Variants in ROBO1 observed in about 807,000 individuals in gnomAD.
The protein encoded by ROBO1 is roundabout homolog 1.
A neutral mutation model predicts 195.9 loss-of-function variants in ROBO1; 149 were observed. That is an observed-to-expected ratio of 0.76 (90% CI 0.67 to 0.87). The LOEUF (loss-of-function observed/expected upper bound fraction) is 0.87, where lower values mean the gene tolerates loss of function less well. ROBO1 is among the 40% of genes least tolerant of loss of function. ROBO1 has a pLI of 0.00. For synonymous variants in ROBO1, 816 were observed against 733.2 expected (o/e 1.11, Z -1.82); for missense variants, 1,933 against 2,068.3 (o/e 0.93, Z 1.27).
intron 3 of ROBO1, among the ~76,000 whole-genome samples, chr3:79,033,287 T>C (rs1005609976): frequency 6.6e-6 from 1 of 152,154 alleles, no homozygotes; most frequent in African/African-American, 2.4e-5. Flanking sequence ...ATGTCTCTAG[T>C]GTGTTTATTT....
At chr3:78,910,108 G>C (rs2038158243) in intron 4 of ROBO1, among the ~76,000 whole-genome samples, 1 of 151,694 alleles carries the variant, frequency 6.6e-6, no homozygotes. Flanking sequence ...TAAGGATAAA[G>C]GATTTCTTTA....
intron 2 of ROBO1, among the ~76,000 whole-genome samples, chr3:79,439,287 T>C (rs531063827): frequency 6.6e-6 from 1 of 152,164 alleles, no homozygotes; most frequent in African/African-American, 2.4e-5. Flanking sequence ...CAGAAGCCAA[T>C]GAGGATGTAT....
chr3:78,869,031 G>A (rs1405202555), intron 4 of ROBO1, among the ~76,000 whole-genome samples: 1 of 152,082 alleles, frequency 6.6e-6, no homozygotes, highest in Non-Finnish European at 1.5e-5. Context: ...AGTTACTTCT[G>A]CTTTAGAGTA....
intron 1 of ROBO1, among the ~76,000 whole-genome samples, chr3:79,765,225 A>G (rs1488490407): frequency 1.3e-5 from 2 of 152,202 alleles, no homozygotes; most frequent in African/African-American, 4.8e-5. Flanking sequence ...CGAAAAGGCT[A>G]AAGGAAGTCC....
At chr3:78,802,885 T>C (rs2084412422) in intron 4 of ROBO1, among the ~76,000 whole-genome samples, 1 of 152,078 alleles carries the variant, frequency 6.6e-6, no homozygotes, top group Admixed American at 6.6e-5. Context: ...ATATAAAAAC[T>C]GAACTACAGA....
chr3:79,700,529 G>A (rs114297133), intron 1 of ROBO1, among the ~76,000 whole-genome samples: 4,185 of 151,534 alleles, frequency 0.028, 188 homozygotes, highest in African/African-American at 0.095. Flanking sequence ...CTTCAACCTC[G>A]CCAGCATCTG....
chr3:79,414,021 C>T (rs2037891962), intron 2 of ROBO1, among the ~76,000 whole-genome samples: 1 of 152,116 alleles, frequency 6.6e-6, no homozygotes, highest in African/African-American at 2.4e-5. Flanking sequence ...TATTTACTTT[C>T]TCCTCGAAAT....
chr3:79,026,536 G>A (rs2078206474), intron 3 of ROBO1, among the ~76,000 whole-genome samples: 1 of 151,978 alleles, frequency 6.6e-6, no homozygotes, highest in Non-Finnish European at 1.5e-5. Context: ...TGTCCAAAAT[G>A]TTCAAAGTGG....
At chr3:79,115,708 T>G (rs1225648479) in intron 3 of ROBO1, among the ~76,000 whole-genome samples, 1 of 152,170 alleles carries the variant, frequency 6.6e-6, no homozygotes, top group East Asian at 1.9e-4. Flanking sequence ...AATAATTATA[T>G]TGAACTCCTT....
At chr3:79,494,838 A>G (rs1939645133) in intron 2 of ROBO1, among the ~76,000 whole-genome samples, 1 of 152,234 alleles carries the variant, frequency 6.6e-6, no homozygotes, top group South Asian at 2.1e-4. Context: ...CTGATGCAAA[A>G]TGATCACTGA....
intron 8 of ROBO1, among the ~76,000 whole-genome samples, chr3:78,701,539 C>T (rs2081421596): frequency 6.6e-6 from 1 of 152,016 alleles, no homozygotes; most frequent in Admixed American, 6.6e-5. Context: ...TCTCAAGAAA[C>T]CTAAATCAGG....
At chr3:79,574,400 A>G (rs1247843995) in intron 2 of ROBO1, among the ~76,000 whole-genome samples, 1 of 151,476 alleles carries the variant, frequency 6.6e-6, no homozygotes, top group Non-Finnish European at 1.5e-5. Context: ...TTTTGCTACC[A>G]TAAATTTTGC....
At chr3:79,246,480 T>C (rs769465757) in intron 2 of ROBO1, among the ~76,000 whole-genome samples, 12 of 152,082 alleles carry the variant, frequency 7.9e-5, no homozygotes, top group Non-Finnish European at 1.3e-4. Context: ...CACTCCTGAT[T>C]TATCATCCTG....
chr3:79,443,545 T>A (rs114901592), intron 2 of ROBO1, among the ~76,000 whole-genome samples: 1,627 of 152,256 alleles, frequency 0.011, 29 homozygotes, highest in African/African-American at 0.037. Flanking sequence ...ATATATTAAA[T>A]AATACCTAAA....
intron 3 of ROBO1, among the ~76,000 whole-genome samples, chr3:79,061,616 A>C (rs1227813338): frequency 6.6e-6 from 1 of 152,178 alleles, no homozygotes; most frequent in Non-Finnish European, 1.5e-5. Context: ...GCATGGCTAC[A>C]GTAACCAAAT....
chr3:78,985,161 A>G (rs1437615448), intron 3 of ROBO1, among the ~76,000 whole-genome samples: 1 of 152,064 alleles, frequency 6.6e-6, no homozygotes, highest in African/African-American at 2.4e-5. Context: ...AAAAAATAGC[A>G]TGGTGGTGCA....
chr3:79,604,960 T>C (rs1193524214), intron 1 of ROBO1, among the ~76,000 whole-genome samples: 3 of 152,036 alleles, frequency 2.0e-5, no homozygotes, highest in Non-Finnish European at 4.4e-5. Flanking sequence ...CAAGTTTAGT[T>C]ACAGGTATTC....
At chr3:79,184,235 T>C (rs1329838941) in intron 2 of ROBO1, among the ~76,000 whole-genome samples, 7 of 152,166 alleles carry the variant, frequency 4.6e-5, no homozygotes, top group African/African-American at 1.7e-4. Flanking sequence ...ATTCTACTGA[T>C]CGTTAATGCT....
At chr3:78,831,461 A>G (rs574353423) in intron 4 of ROBO1, among the ~76,000 whole-genome samples, 27 of 152,270 alleles carry the variant, frequency 1.8e-4, no homozygotes, top group African/African-American at 6.5e-4. Context: ...TATTAAATGA[A>G]TTCATCTCCA....
Sources: allele counts gnomAD v4.1 joint callset (sites outside exome capture counted in the v4.1 genomes callset), GRCh38; gene constraint gnomAD v4.1.1; transcripts MANE v1.5; gene names NCBI Gene and HGNC (gene_info 2026-07-23, HGNC 2026-07-21).